Variants in RBL2 observed in about 807,000 individuals in gnomAD.
RBL2 encodes the protein retinoblastoma-like protein 2.
A neutral mutation model predicts 126.0 loss-of-function variants in RBL2; 56 were observed. That is an observed-to-expected ratio of 0.44 (90% CI 0.36 to 0.56). The LOEUF (loss-of-function observed/expected upper bound fraction) is 0.56. Ranked by LOEUF, RBL2 falls within the 20% of genes least tolerant of loss-of-function variation. The pLI, the probability that RBL2 is intolerant of heterozygous loss-of-function variation, is 0.00. For synonymous variants in RBL2, 454 were observed against 478.5 expected (o/e 0.95, Z 0.67); for missense variants, 1,229 against 1,398.2 (o/e 0.88, Z 1.93).
chr16:53,486,223 C>A (rs1387083325), intron 21 of RBL2, among the ~76,000 whole-genome samples: 1 of 151,758 alleles, frequency 6.6e-6, no homozygotes, highest in Non-Finnish European at 1.5e-5. Context: ...GTTGCTAGAG[C>A]CTGCGTGGTC....
chr16:53,481,960 A>T, intron 21 of RBL2, 125 bp downstream of exon 21: 2 of 1,104,744 alleles, frequency 1.8e-6, no homozygotes, highest in Non-Finnish European at 1.3e-6. Context: ...GTGATCAGTC[A>T]GTCCTCATGA....
In RBL2 at chr16:53,477,714, T is replaced by C. The variant is rs373441861; in HGVS notation, c.2704-1440T>C. 1.9e-4 allele frequency among the ~76,000 whole-genome samples: 29 copies of C among 152,316 alleles called. 1 individual carries two copies. The East Asian group carries it at 2.3e-3, about 12-fold the overall frequency. ...CTGGAGTAATTTCCTTTGCTCAATA[T>C]GGCTTTGCTCCTGCCTACCTCCTTT... On this transcript the variant is annotated intron_variant, in intron 17 of 21. Coordinates refer to ENST00000262133, the MANE Select transcript of RBL2 (RefSeq NM_005611.4).
chr16:53,449,551 C>T (rs2153140352), intron 4 of RBL2: 1 of 145,006 alleles, frequency 6.9e-6, no homozygotes, highest in East Asian at 2.0e-4. Context: ...GCTGAGATTG[C>T]ACCTCCAGTC....
chr16:53,436,821 C>T (rs544964421), intron 1 of RBL2, among the ~76,000 whole-genome samples: 1 of 152,260 alleles, frequency 6.6e-6, no homozygotes, highest in African/African-American at 2.4e-5. Flanking sequence ...CTATTTGACC[C>T]TAGAAGATGT....
intron 2 of RBL2, among the ~76,000 whole-genome samples, chr16:53,439,759 G>A (rs1194894834): frequency 6.6e-6 from 1 of 151,886 alleles, no homozygotes; most frequent in Non-Finnish European, 1.5e-5. Context: ...AGCATTTTGG[G>A]GGAAATTACC....
At chr16:53,477,834 AAGG>A (rs1368311699) in intron 17 of RBL2, among the ~76,000 whole-genome samples, 2 of 152,022 alleles carry the variant, frequency 1.3e-5, no homozygotes, top group East Asian at 1.9e-4. Context: ...TCAGTTAAGA[AAGG>A]AGAAGAAATG....
At chr16:53,462,527 G>GT (rs55875935) in intron 10 of RBL2, 25 bp from the exon 11 acceptor site, 59,388 of 1,056,592 alleles carry the variant, frequency 0.056, 535 homozygotes, top group African/African-American at 0.17. Context: ...TTTTTGTGGG[G>GT]TTTTTTTTTT....
At chr16:53,472,768 A>G (rs780401091) in intron 17 of RBL2, among the ~76,000 whole-genome samples, 3 of 152,024 alleles carry the variant, frequency 2.0e-5, no homozygotes, top group Non-Finnish European at 4.4e-5. Flanking sequence ...TTGGTTTGTT[A>G]CTTGCACTTT....
At position 53,468,098 on chromosome 16, in the gene RBL2, T is replaced by C. The variant is rs540595146; in HGVS notation, c.1975+929T>C. Among the ~76,000 whole-genome samples, 5 of 152,364 alleles carry C rather than the reference T, an allele frequency of 3.3e-5. No homozygotes were observed. The East Asian group carries it at 7.7e-4, about 23-fold the overall frequency. ...AAGGTTTTAGTTTACATATGTGAGATAGAACTACTTTTTTAAAGAGCAATT... is the reference window on the plus strand; with the variant it reads ...AAGGTTTTAGTTTACATATGTGAGACAGAACTACTTTTTTAAAGAGCAATT... On this transcript the variant is annotated intron_variant, in intron 14 of 21. Coordinates refer to ENST00000262133, the MANE Select transcript of RBL2 (RefSeq NM_005611.4).
intron 21 of RBL2, chr16:53,489,876 T>C (rs1961341155): frequency 6.4e-6 from 2 of 311,906 alleles, no homozygotes; most frequent in South Asian, 1.5e-4. Flanking sequence ...ACATGTATAA[T>C]TGACCTACAG....
At chr16:53,451,277 A>G (rs939143360) in intron 4 of RBL2, among the ~76,000 whole-genome samples, 5 of 152,182 alleles carry the variant, frequency 3.3e-5, no homozygotes, top group African/African-American at 7.2e-5. Flanking sequence ...AGGCCAAGGC[A>G]GAAGGATCAC....
chr16:53,479,366 C>A, intron 18 of RBL2, 141 bp downstream of exon 18: 1 of 658,590 alleles, frequency 1.5e-6, no homozygotes, highest in Non-Finnish European at 2.6e-6. Context: ...CTACTTTAAT[C>A]TTTATTCTTG....
At chr16:53,442,567 T>C in intron 2 of RBL2, 91 bp from the exon 3 acceptor site, 1 of 917,144 alleles carries the variant, frequency 1.1e-6, no homozygotes, top group East Asian at 2.6e-5. Flanking sequence ...TATAATTTAA[T>C]GCGATAATAT....
chr16:53,436,279 T>C (rs1029697437), intron 1 of RBL2, among the ~76,000 whole-genome samples: 6 of 152,228 alleles, frequency 3.9e-5, no homozygotes, highest in Admixed American at 3.3e-4. Flanking sequence ...TCGCCATTTA[T>C]TTGAGGTATT....
At chr16:53,482,848 C>CAT (rs905581535) in intron 21 of RBL2, among the ~76,000 whole-genome samples, 9 of 149,262 alleles carry the variant, frequency 6.0e-5, no homozygotes, top group Admixed American at 6.0e-4. Flanking sequence ...TAGAAATACA[C>CAT]ATATATATAT....
intron 8 of RBL2, among the ~76,000 whole-genome samples, chr16:53,458,891 A>G (rs771684695): frequency 2.0e-5 from 3 of 152,222 alleles, no homozygotes; most frequent in Non-Finnish European, 4.4e-5. Context: ...CTCACACAGC[A>G]CATGGGAATT....
chr16:53,470,820 A>T lies in RBL2; in HGVS notation c.2601A>T (p.Lys867Asn). The T allele has an allele frequency of 6.2e-7, 1 of 1,614,204 alleles. No homozygotes were observed. Among genetic ancestry groups the T allele is most frequent in the Non-Finnish European group, 8.5e-7 (1 of 1,180,016 alleles). Reference sequence around the variant, plus strand: ...ATATTTCAGATGAATTGAGGAAAAAAATCTGGACCTGCTTTGAATTCTCCA... The same window carrying T: ...ATATTTCAGATGAATTGAGGAAAAATATCTGGACCTGCTTTGAATTCTCCA... ...KLDISDELRKKIWTCFEFSII... is the reference protein window; with the variant it reads ...KLDISDELRKNIWTCFEFSII... The change falls in exon 17 of 22, where the codon AAA (lysine) becomes AAT (asparagine). Residue 867 changes from lysine (K) to asparagine (N), a missense_variant. Transcript: ENST00000262133.
intron 21 of RBL2, chr16:53,488,284 A>C (rs900428475): frequency 6.6e-6 from 1 of 152,252 alleles, no homozygotes; most frequent in African/African-American, 2.4e-5. Context: ...GCTTAAGTGA[A>C]AGACACTGGA....
At chr16:53,465,942 C>T (rs947647157) in intron 13 of RBL2, 8 of 163,496 alleles carry the variant, frequency 4.9e-5, no homozygotes, top group South Asian at 2.0e-4. Context: ...CACCTCCCAT[C>T]GCTAAGCTGC....
Sources: allele counts gnomAD v4.1 joint callset (sites outside exome capture counted in the v4.1 genomes callset), GRCh38; gene constraint gnomAD v4.1.1; transcripts MANE v1.5; gene names NCBI Gene and HGNC (gene_info 2026-07-23, HGNC 2026-07-21).